The following FAM91A1 variants were observed in gnomAD, a reference collection of about 807,000 sequenced individuals.
FAM91A1 encodes family with sequence similarity 91 member A1.
Under a neutral mutation model 113.5 loss-of-function variants are expected in FAM91A1, and 41 were observed. The observed-to-expected ratio is 0.36, with a 90% CI of 0.28 to 0.47. FAM91A1 has a LOEUF of 0.47. Among genes scored for constraint, FAM91A1 ranks in the 20% least tolerant of loss-of-function variants. The pLI, the probability that FAM91A1 is intolerant of heterozygous loss-of-function variation, is 1.00. For missense variants in FAM91A1, 696 were observed against 1,001.2 expected, an observed-to-expected ratio of 0.70 and a Z score of 4.11; for synonymous variants, 307 against 347.9, an observed-to-expected ratio of 0.88 and a Z score of 1.31.
At chr8:123,796,801 T>C (rs942000530) in intron 15 of FAM91A1, among the ~76,000 whole-genome samples, 1 of 148,328 alleles carries the variant, frequency 6.7e-6, no homozygotes, top group Non-Finnish European at 1.5e-5. Flanking sequence ...CGATGACTCA[T>C]GCCTGTAATC....
intron 18 of FAM91A1, 90 bp from the exon 19 acceptor site, chr8:123,805,161 TTAATATGGAATATACC>T: frequency 1.2e-6 from 1 of 827,580 alleles, no homozygotes; most frequent in Non-Finnish European, 1.9e-6. Flanking sequence ...TGATGAGGTA[TTAATATGGAATATACC>T]ATTACATGAC....
chr8:123,815,267 A>G lies in FAM91A1; in HGVS notation c.*2563A>G, dbSNP rs1424302283. The G allele has an allele frequency of 3.3e-5, 5 of 151,930 alleles. No individual in the cohort carries two copies. Among genetic ancestry groups the G allele is most frequent in the African/African-American group, 1.2e-4 (5 of 41,268 alleles). The allele number at this position is 151,930 out of a possible 1,614,324, so 9.4% of individuals were successfully genotyped here. Reference sequence around the variant, plus strand: ...CCATTCATGTTTCTTTTTTGTGTTCAGTGTTTCAAATACAATTTGTATTTA... The same window carrying G: ...CCATTCATGTTTCTTTTTTGTGTTCGGTGTTTCAAATACAATTTGTATTTA... On this transcript the variant is annotated 3_prime_UTR_variant, in exon 24 of 24. Coordinates refer to ENST00000334705, the MANE Select transcript of FAM91A1 (RefSeq NM_144963.4).
Position 123,778,763 on chromosome 8 carries a change from T to TATAGGTA in FAM91A1, c.540_541insATAGGTA (p.Asp181IlefsTer11). On this transcript the variant is annotated frameshift_variant, in exon 6 of 24. Transcript: ENST00000334705. LOFTEE classifies it high-confidence loss of function. ...TGCAGGCTGGCTATATCACAGAAGATGACATCAAGGTAGAAATCTTTAAAA... is the reference window on the plus strand; with the variant it reads ...TGCAGGCTGGCTATATCACAGAAGATATAGGTAGACATCAAGGTAGAAATCTTTAAAA... 1 of 1,546,112 alleles carries TATAGGTA rather than the reference T, an allele frequency of 6.5e-7. No individual in the cohort carries two copies. Among genetic ancestry groups the TATAGGTA allele is most frequent in the Non-Finnish European group, 8.7e-7 (1 of 1,145,928 alleles).
At chr8:123,772,224 A>C (rs1248758596) in intron 1 of FAM91A1, among the ~76,000 whole-genome samples, 1 of 152,238 alleles carries the variant, frequency 6.6e-6, no homozygotes, top group African/African-American at 2.4e-5. Context: ...CTGAGAGCCA[A>C]AGCTTACAAA....
At chr8:123,796,790 G>A (rs183986490) in intron 15 of FAM91A1, among the ~76,000 whole-genome samples, 274 of 150,438 alleles carry the variant, frequency 1.8e-3, no homozygotes, top group African/African-American at 6.4e-3. Flanking sequence ...TTGGCTGGGC[G>A]CGATGACTCA....
chr8:123,781,514 A>G lies in FAM91A1; in HGVS notation c.703+972A>G, dbSNP rs1029379034. 1.1e-4 allele frequency among the ~76,000 whole-genome samples: 14 copies of G among 128,620 alleles called. No individual in the cohort carries two copies. The Admixed American group carries it at 1.2e-3, about 11-fold the overall frequency. The allele number at this position is 128,620 out of a possible 152,430, so 84.4% of individuals were successfully genotyped here. ...TTTTTTTGAGACGGATTCTAGCTCT[A>G]TCGCCCAGGCTGGAGTGCAGTGGCA... is the stretch of plus-strand genomic sequence containing the variant. On this transcript the variant is annotated intron_variant, in intron 8 of 23. Transcript: ENST00000334705.
chr8:123,779,465 C>G (rs1166995407), intron 6 of FAM91A1, among the ~76,000 whole-genome samples: 3 of 152,212 alleles, frequency 2.0e-5, no homozygotes, highest in Middle Eastern at 3.4e-3. Context: ...TGTATTTATG[C>G]GTAGCTGAAG....
chr8:123,799,828 C>G lies in FAM91A1; in HGVS notation c.1752C>G (p.Thr584=). The change falls in exon 18 of 24, where the codon ACC becomes ACG. Residue 584 remains threonine, a synonymous_variant. Coordinates refer to ENST00000334705, the MANE Select transcript of FAM91A1 (RefSeq NM_144963.4). The stretch of plus-strand genomic sequence containing the variant: ...GTCATGATCCTGGAGTAGTTCCTAC[C>G]TCAAATGTGCTCACGATGTTGAATG... The part of the protein sequence containing the change: ...SWGHDPGVVP[T]SNVLTMLNDA... The G allele has an allele frequency of 6.2e-7, 1 of 1,609,420 alleles. No individual in the cohort carries two copies. The highest frequency in any genetic ancestry group is 8.5e-7 in the Non-Finnish European group (1 of 1,176,336).
chr8:123,783,175 CAATA>C (rs556597277), intron 8 of FAM91A1, among the ~76,000 whole-genome samples: 6 of 151,406 alleles, frequency 4.0e-5, no homozygotes, highest in African/African-American at 1.5e-4. Context: ...GACCCTGTCT[CAATA>C]AATAAATAAA....
At chr8:123,784,637 GTAAAGT>G in intron 9 of FAM91A1, 61 bp downstream of exon 9, 1 of 1,265,078 alleles carries the variant, frequency 7.9e-7, no homozygotes, top group Non-Finnish European at 1.1e-6. Context: ...TGTAAAGTAA[GTAAAGT>G]TATTTAATAT....
At chr8:123,785,200 C>A in intron 10 of FAM91A1, 81 bp downstream of exon 10, 1 of 1,159,094 alleles carries the variant, frequency 8.6e-7, no homozygotes, top group Non-Finnish European at 1.2e-6. Context: ...TGATAAGCTA[C>A]TGAGAAACGA....
At chr8:123,807,233 G>A (rs1320870969) in intron 20 of FAM91A1, among the ~76,000 whole-genome samples, 1 of 152,044 alleles carries the variant, frequency 6.6e-6, no homozygotes, top group African/African-American at 2.4e-5. Flanking sequence ...CTAGAGAAGA[G>A]GGCTATGACT....
At chr8:123,786,218 G>T in intron 11 of FAM91A1, 1 of 364,192 alleles carries the variant, frequency 2.7e-6, no homozygotes, top group Non-Finnish European at 5.0e-6. Context: ...GGAATATAAT[G>T]AAAACTAAGA....
chr8:123,778,580 A>G, intron 5 of FAM91A1, 79 bp from the exon 6 acceptor site: 1 of 965,874 alleles, frequency 1.0e-6, no homozygotes, highest in Middle Eastern at 3.1e-4. Flanking sequence ...TCCATTAGAA[A>G]CAATCTTATG....
intron 15 of FAM91A1, 84 bp from the exon 16 acceptor site, chr8:123,798,006 G>C (rs1312947693): frequency 7.0e-7 from 1 of 1,426,740 alleles, no homozygotes; most frequent in Non-Finnish European, 9.4e-7. Context: ...AAAATCTTAA[G>C]TCAGTTATCA....
chr8:123,806,306 CA>C, intron 20 of FAM91A1, 77 bp downstream of exon 20: 1 of 1,427,566 alleles, frequency 7.0e-7, no homozygotes, highest in Non-Finnish European at 9.4e-7. Flanking sequence ...TGAAAAGCAG[CA>C]GACCTTTGTG....
intron 14 of FAM91A1, 37 bp from the exon 15 acceptor site, chr8:123,789,576 G>A (rs1009144832): frequency 1.2e-6 from 2 of 1,610,602 alleles, no homozygotes; most frequent in African/African-American, 1.3e-5. Context: ...CATAAAAGTG[G>A]TATTTTTGTT....
At chr8:123,806,900 A>G (rs996588920) in intron 20 of FAM91A1, among the ~76,000 whole-genome samples, 1 of 138,360 alleles carries the variant, frequency 7.2e-6, no homozygotes, top group Non-Finnish European at 1.6e-5. Context: ...GATATCACTT[A>G]CTTTTTTTTT....
chr8:123,802,061 AGTT>A (rs1299491565), intron 18 of FAM91A1, among the ~76,000 whole-genome samples: 2 of 152,084 alleles, frequency 1.3e-5, no homozygotes, highest in Non-Finnish European at 2.9e-5. Flanking sequence ...GGAACTGAGA[AGTT>A]GACCTGTAGA....
Sources: allele counts gnomAD v4.1 joint callset (sites outside exome capture counted in the v4.1 genomes callset), GRCh38; gene constraint gnomAD v4.1.1; transcripts MANE v1.5; gene names NCBI Gene and HGNC (gene_info 2026-07-23, HGNC 2026-07-21).